PELI2: variants seen among roughly 807,000 people sequenced by gnomAD.
PELI2 encodes the protein pellino E3 ubiquitin protein ligase family member 2, also known as E3 ubiquitin-protein ligase pellino homolog 2.
In PELI2, 23 loss-of-function variants were observed where a neutral mutation model predicts 42.3. The ratio of observed to expected loss-of-function variants is 0.54; its 90% confidence interval spans 0.39 to 0.77. PELI2 has a LOEUF of 0.77. Ranked by LOEUF, PELI2 falls within the 30% of genes least tolerant of loss-of-function variation. The pLI is 0.00. For missense variants in PELI2, 463 were observed against 553.2 expected, an observed-to-expected ratio of 0.84 and a Z score of 1.64; for synonymous variants, 245 against 212.2, an observed-to-expected ratio of 1.15 and a Z score of -1.34.
In PELI2 at chr14:56,255,933, G is replaced by T. The variant is rs557893221; in HGVS notation, c.208-23743G>T. ...TTCCTGCTGGCATTCACTCGTGCAA[G>T]CTCCCAGCTTGCTTGTCTATGCAGC... On this transcript the variant is annotated intron_variant, in intron 2 of 5. Coordinates refer to ENST00000267460, the MANE Select transcript of PELI2 (RefSeq NM_021255.3). Among the ~76,000 whole-genome samples the T allele has an allele frequency of 2.0e-5, 3 of 152,260 alleles. No individual in the cohort carries two copies. The East Asian group carries it at 5.8e-4, about 29-fold the overall frequency.
intron 5 of PELI2, among the ~76,000 whole-genome samples, chr14:56,296,351 A>G (rs1890000760): frequency 6.6e-6 from 1 of 152,200 alleles, no homozygotes; most frequent in African/African-American, 2.4e-5. Context: ...GTAATTGAAC[A>G]TGTAAAGCTA....
chr14:56,243,649 C>G (rs1888055381), intron 2 of PELI2, among the ~76,000 whole-genome samples: 2 of 152,086 alleles, frequency 1.3e-5, no homozygotes, highest in Admixed American at 1.3e-4. Context: ...ATTTTTGGGT[C>G]ATTATTATTG....
rs1196070008 is a variant in PELI2, at chr14:56,268,260, TATG to T, written c.208-11413_208-11411del. On this transcript the variant is annotated intron_variant, in intron 2 of 5. Coordinates refer to ENST00000267460, the MANE Select transcript of PELI2 (RefSeq NM_021255.3). ...ATTCGCAGGATGCTTTATTTTTACTTATGATTCATTTTTGTTAGGTTTACTTGT... is the reference window on the plus strand; with the variant it reads ...ATTCGCAGGATGCTTTATTTTTACTTATTCATTTTTGTTAGGTTTACTTGT... Among the ~76,000 whole-genome samples the T allele has an allele frequency of 2.6e-5, 4 of 152,332 alleles. 1 individual carries two copies. The highest frequency in any genetic ancestry group is 1.9e-4 in the East Asian group (1 of 5,184).
intron 2 of PELI2, among the ~76,000 whole-genome samples, chr14:56,188,335 A>C (rs1207218227): frequency 6.6e-6 from 1 of 152,232 alleles, no homozygotes; most frequent in African/African-American, 2.4e-5. Flanking sequence ...GTATTCTGCA[A>C]ACCCACAGGC....
At chr14:56,145,951 C>G (rs1009513257) in intron 1 of PELI2, among the ~76,000 whole-genome samples, 1 of 152,088 alleles carries the variant, frequency 6.6e-6, no homozygotes, top group African/African-American at 2.4e-5. Context: ...TTTTTTACAG[C>G]TATAAACCAA....
At position 56,180,356 on chromosome 14, in the gene PELI2, AATT is replaced by A. The variant is rs1218265497; in HGVS notation, c.207+1898_207+1900del. On this transcript the variant is annotated intron_variant, in intron 2 of 5. Transcript: ENST00000267460. This position sits in a 1 kb window ranked among gnomAD's most constrained non-coding sequence, Gnocchi z 4.4. Reference sequence around the variant, plus strand: ...AGATAAAACAGACAAAAGTAAGATAAATTATTATAGGCTAGCCCTCAGAATCAG... The same window carrying A: ...AGATAAAACAGACAAAAGTAAGATAAATTATAGGCTAGCCCTCAGAATCAG... Among the ~76,000 whole-genome samples, 1 of 152,214 alleles carries A rather than the reference AATT, an allele frequency of 6.6e-6. No individual in the cohort carries two copies. Among genetic ancestry groups the A allele is most frequent in the Admixed American group, 6.5e-5 (1 of 15,286 alleles).
At chr14:56,240,267 G>T (rs1332985430) in intron 2 of PELI2, among the ~76,000 whole-genome samples, 1 of 152,104 alleles carries the variant, frequency 6.6e-6, no homozygotes, top group African/African-American at 2.4e-5. Context: ...GGCTGTTAGG[G>T]TATCCTGGGG....
chr14:56,226,701 C>G (rs1887369360), intron 2 of PELI2, among the ~76,000 whole-genome samples: 1 of 152,114 alleles, frequency 6.6e-6, no homozygotes, highest in Non-Finnish European at 1.5e-5. Context: ...CGAATGTGCC[C>G]TTTAATTTAT....
At chr14:56,120,793 C>T (rs1330819215) in intron 1 of PELI2, among the ~76,000 whole-genome samples, 3 of 152,118 alleles carry the variant, frequency 2.0e-5, no homozygotes, top group African/African-American at 7.2e-5. Context: ...AGAGTGACTG[C>T]TTAGGTGGGT....
intron 2 of PELI2, among the ~76,000 whole-genome samples, chr14:56,258,440 CAAG>C (rs1888597164): frequency 1.3e-5 from 2 of 151,948 alleles, no homozygotes. Context: ...TAAACACAGA[CAAG>C]AAGGTTAAAA....
At position 56,241,687 on chromosome 14, in the gene PELI2, G is replaced by C. The variant is rs533797629; in HGVS notation, c.208-37989G>C. On this transcript the variant is annotated intron_variant, in intron 2 of 5. Coordinates refer to ENST00000267460, the MANE Select transcript of PELI2 (RefSeq NM_021255.3). Reference sequence around the variant, plus strand: ...TTCAGAACACCAGGGATAAAGGGGAGATAGTAAAAATATCCAGAGAGGGGA... The same window carrying C: ...TTCAGAACACCAGGGATAAAGGGGACATAGTAAAAATATCCAGAGAGGGGA... Among the ~76,000 whole-genome samples the C allele has an allele frequency of 5.9e-5, 9 of 152,262 alleles. No homozygotes were observed. The South Asian group carries it at 1.9e-3, about 32-fold the overall frequency.
intron 2 of PELI2, among the ~76,000 whole-genome samples, chr14:56,232,392 A>C (rs566617899): frequency 1.1e-4 from 17 of 152,310 alleles, no homozygotes; most frequent in African/African-American, 4.1e-4. Context: ...CCAGCAGCAC[A>C]TCAAAAAGCT....
At chr14:56,227,684 C>T (rs556238531) in intron 2 of PELI2, among the ~76,000 whole-genome samples, 10 of 152,312 alleles carry the variant, frequency 6.6e-5, no homozygotes, top group South Asian at 2.1e-4. Flanking sequence ...GTAAGTACAG[C>T]GGACATCCAG....
intron 2 of PELI2, among the ~76,000 whole-genome samples, chr14:56,267,074 T>C (rs182672898): frequency 2.0e-5 from 3 of 152,224 alleles, no homozygotes; most frequent in East Asian, 1.9e-4. Context: ...TTCTTAGTGA[T>C]AGAAGATTGG....
chr14:56,147,272 C>T (rs1458031007), intron 1 of PELI2, among the ~76,000 whole-genome samples: 1 of 152,170 alleles, frequency 6.6e-6, no homozygotes, highest in Non-Finnish European at 1.5e-5. Flanking sequence ...CATTTGCTTG[C>T]AACTCTTTGC....
intron 2 of PELI2, among the ~76,000 whole-genome samples, chr14:56,229,075 T>C (rs1309981194): frequency 6.6e-6 from 1 of 152,134 alleles, no homozygotes; most frequent in Admixed American, 6.5e-5. Flanking sequence ...TGCTGAGGCT[T>C]GAGTAGGTAA....
chr14:56,160,497 G>A (rs1040973153), intron 1 of PELI2, among the ~76,000 whole-genome samples: 1 of 152,166 alleles, frequency 6.6e-6, no homozygotes, highest in Admixed American at 6.5e-5. Flanking sequence ...GAACATGGGA[G>A]TGGTACTGTG....
intron 1 of PELI2, among the ~76,000 whole-genome samples, chr14:56,164,784 A>G (rs1015603420): frequency 6.6e-6 from 1 of 151,766 alleles, no homozygotes; most frequent in African/African-American, 2.4e-5. Flanking sequence ...GTATCTAGGA[A>G]TTTTTCCATT....
rs139639042 is a variant in PELI2 at position 56,197,384 on chromosome 14, G to A, written c.207+18920G>A. ...CTGAGGCAGGCTTGAGGGCTGGTTA[G>A]TGGGGAGTTGGAGCTTGGGATGAGA... On this transcript the variant is annotated intron_variant, in intron 2 of 5. Transcript: ENST00000267460. The surrounding 1 kb of genome is among the most constrained non-coding windows in gnomAD (Gnocchi z 4.9). 5.9e-3 allele frequency among the ~76,000 whole-genome samples: 904 copies of A among 152,276 alleles called. 4 individuals are homozygous for A. Among genetic ancestry groups the A allele is most frequent in the Middle Eastern group, 0.017 (5 of 294 alleles).
Sources: allele counts gnomAD v4.1 joint callset (sites outside exome capture counted in the v4.1 genomes callset), GRCh38; gene constraint gnomAD v4.1.1; non-coding constraint Gnocchi (gnomAD v3.1); transcripts MANE v1.5; gene names NCBI Gene and HGNC (gene_info 2026-07-23, HGNC 2026-07-21).